ZNF514: variants seen among roughly 807,000 people sequenced by gnomAD.
ZNF514 encodes zinc finger protein 514.
In ZNF514, 12 loss-of-function variants were observed where a neutral mutation model predicts 9.7. The observed-to-expected ratio is 1.24, with a 90% confidence interval of 0.79 to 2.01. The LOEUF is 2.01. ZNF514 is among the 30% of genes most tolerant of loss of function. ZNF514 has a pLI of 0.00. For missense variants in ZNF514, 467 were observed against 465.5 expected (o/e 1.00, Z -0.03); for synonymous variants, 158 against 163.7 (o/e 0.97, Z 0.27).
At chr2:95,144,233 T>C (rs1673311223), downstream of ZNF514, among the ~76,000 whole-genome samples, 1 of 152,196 alleles carries the variant, frequency 6.6e-6, no homozygotes, top group Non-Finnish European at 1.5e-5. Context: ...CCGCATTTTC[T>C]GATAGTTTAT....
In ZNF514 at chr2:95,149,865, T is replaced by C. The variant is rs371148384; in HGVS notation, c.620A>G (p.Asn207Ser). ...GAAGTGAAAGGACTTCCCACACTCA[T>C]TACATTTACAAGATTTCTTTTCTGG... ...THPEKKSCKC[N>S]ECGKSFHFQS... The change falls in exon 5 of 5, where the codon AAT becomes AGT. Residue 207 changes from asparagine to serine, a missense_variant. Physicochemically the swap from Asn to Ser is conservative, Grantham distance 46. Transcript: ENST00000295208. 10 of 1,613,636 alleles carry C rather than the reference T, an allele frequency of 6.2e-6. No homozygotes were observed. Among genetic ancestry groups the C allele is most frequent in the African/African-American group, 4.0e-5 (3 of 74,942 alleles).
chr2:95,146,236 G>A lies in ZNF514; in HGVS notation c.*3046C>T, dbSNP rs2104459340. Among the ~76,000 whole-genome samples, 1 of 152,190 alleles carries A rather than the reference G, an allele frequency of 6.6e-6. No homozygotes were observed. The highest frequency in any genetic ancestry group is 6.5e-5 in the Admixed American group (1 of 15,284). On this transcript the variant is annotated 3_prime_UTR_variant, in exon 5 of 5. Coordinates refer to ENST00000295208, the MANE Select transcript of ZNF514 (RefSeq NM_032788.3). ...ATCTGGTTCAGGAAACAAGAAAGTG[G>A]TAAAGTGATAAAAAATTATTTAAAT... is the stretch of plus-strand genomic sequence containing the variant.
chr2:95,152,981 C>T (rs1397561572), intron 3 of ZNF514, 152 bp downstream of exon 3: 1 of 1,075,380 alleles, frequency 9.3e-7, no homozygotes, highest in Non-Finnish European at 1.3e-6. Flanking sequence ...TACTGTATCA[C>T]TGGGCCCCAA....
At chr2:95,153,012 T>TC in intron 3 of ZNF514, 121 bp downstream of exon 3, 1 of 1,332,542 alleles carries the variant, frequency 7.5e-7, no homozygotes, top group Middle Eastern at 2.5e-4. Context: ...AATGTCTGAT[T>TC]CCAGACTTCC....
Position 95,159,716 on chromosome 2 carries a change from G to A in ZNF514, c.-572C>T, listed in dbSNP as rs1217891593. ...CCGCCCCGCGCCAGCCCCCGCGTCC[G>A]CCCCGCGCCAGCCCCCGCGTCCGCC... On this transcript the variant is annotated 5_prime_UTR_variant, in exon 1 of 5. Transcript: ENST00000295208. 9 of 134,464 alleles carry A rather than the reference G, an allele frequency of 6.7e-5. No individual in the cohort carries two copies. Among genetic ancestry groups the A allele is most frequent in the African/African-American group, 2.2e-4 (8 of 36,782 alleles). The allele number at this position is 134,464 out of a possible 1,614,324, so 8.3% of individuals were successfully genotyped here. A position where few individuals can be genotyped will look rare whatever the true frequency, so the allele number is the denominator to read the frequency against.
chr2:95,131,029 A>G, the ZNF514 span, among the ~76,000 whole-genome samples: 5 of 152,336 alleles, frequency 3.3e-5, no homozygotes, highest in East Asian at 9.6e-4. Flanking sequence ...AATCTTCACA[A>G]TTCACGTTCT....
the ZNF514 span, among the ~76,000 whole-genome samples, chr2:95,134,790 G>A: frequency 6.6e-6 from 1 of 152,196 alleles, no homozygotes; most frequent in African/African-American, 2.4e-5. Context: ...GGTTAGGTAA[G>A]AGTCCAGTTT....
chr2:95,128,677 TAAG>T, the ZNF514 span, among the ~76,000 whole-genome samples: 1,060 of 117,246 alleles, frequency 9.0e-3, 15 homozygotes, highest in Middle Eastern at 0.033. Context: ...GAAGAAGAAG[TAAG>T]AAGGAGGAAG....
the ZNF514 span, among the ~76,000 whole-genome samples, chr2:95,125,432 G>T: frequency 1.3e-5 from 2 of 151,736 alleles, no homozygotes; most frequent in Non-Finnish European, 2.9e-5. Flanking sequence ...GTAGAGACAG[G>T]TTTCACCATG....
chr2:95,133,992 G>A, the ZNF514 span, among the ~76,000 whole-genome samples: 71 of 152,244 alleles, frequency 4.7e-4, no homozygotes, highest in African/African-American at 1.7e-3. Flanking sequence ...TCTCACAACT[G>A]CATGAGAATC....
the ZNF514 span, among the ~76,000 whole-genome samples, chr2:95,124,641 C>T: frequency 6.6e-6 from 1 of 151,864 alleles, no homozygotes; most frequent in Non-Finnish European, 1.5e-5. Context: ...GCTGGGATTA[C>T]AGGCGTGTCC....
At chr2:95,126,173 C>T in the ZNF514 span, among the ~76,000 whole-genome samples, 191 of 151,874 alleles carry the variant, frequency 1.3e-3, no homozygotes, top group Non-Finnish European at 2.1e-3. Context: ...GAGTTAGAAA[C>T]CAGCCTGGCT....
At chr2:95,125,385 C>T in the ZNF514 span, among the ~76,000 whole-genome samples, 3 of 152,000 alleles carry the variant, frequency 2.0e-5, no homozygotes, top group Non-Finnish European at 4.4e-5. Context: ...GGACTACAGG[C>T]GCCCACCACC....
At chr2:95,151,997 G>A (rs1329924100) in intron 4 of ZNF514, among the ~76,000 whole-genome samples, 1 of 152,164 alleles carries the variant, frequency 6.6e-6, no homozygotes, top group Non-Finnish European at 1.5e-5. Context: ...CTGGCCACAG[G>A]TAAGGTTCTG....
At chr2:95,130,705 C>G in the ZNF514 span, among the ~76,000 whole-genome samples, 3 of 152,226 alleles carry the variant, frequency 2.0e-5, no homozygotes, top group African/African-American at 7.2e-5. Context: ...GGTTATCTCT[C>G]TTATTCCCTG....
chr2:95,128,374 G>A, the ZNF514 span, among the ~76,000 whole-genome samples: 5 of 141,906 alleles, frequency 3.5e-5, no homozygotes, highest in African/African-American at 7.9e-5. Context: ...TGGGCGACAC[G>A]AGCAAGGCTT....
rs1273923692 is a variant in ZNF514, at chr2:95,159,654, C to A, written c.-510G>T. On this transcript the variant is annotated 5_prime_UTR_variant, in exon 1 of 5. Coordinates refer to ENST00000295208, the MANE Select transcript of ZNF514 (RefSeq NM_032788.3). ...GCCAGCCCCCGCCCGCCACCCCGCG[C>A]CAGCCCCCGCCCGCCACCCCGCGCC... 21 of 106,862 alleles carry A rather than the reference C, an allele frequency of 2.0e-4. No homozygotes were observed. The highest frequency in any genetic ancestry group is 3.6e-4 in the Non-Finnish European group (19 of 52,570). The allele number at this position is 106,862 out of a possible 1,614,324, so 6.6% of individuals were successfully genotyped here. A position where few individuals can be genotyped will look rare whatever the true frequency, so the allele number is the denominator to read the frequency against.
Position 95,157,412 on chromosome 2 carries a change from G to A in ZNF514, c.-68C>T, listed in dbSNP as rs541151797. The A allele has an allele frequency of 7.8e-7, 1 of 1,289,672 alleles. No individual in the cohort carries two copies. The highest frequency in any genetic ancestry group is 5.5e-5 in the East Asian group (1 of 18,032). The allele number at this position is 1,289,672 out of a possible 1,614,324, so 79.9% of individuals were successfully genotyped here. On this transcript the variant is annotated 5_prime_UTR_variant, in exon 2 of 5. Transcript: ENST00000295208. ...CTCTTCTCCTGGGAATCTCTCTGGAGGAAGAGCAGGATTCTGAGAAGGGGA... is the reference window on the plus strand; with the variant it reads ...CTCTTCTCCTGGGAATCTCTCTGGAAGAAGAGCAGGATTCTGAGAAGGGGA...
chr2:95,126,392 A>AAAAAAAAAAAAAAAAAAAAAAAAGAAAG, the ZNF514 span, among the ~76,000 whole-genome samples: 1 of 84,442 alleles, frequency 1.2e-5, no homozygotes, highest in African/African-American at 5.6e-5. Flanking sequence ...AAAAAAAAAA[A>AAAAAAAAAAAAAAAAAAAAAAAAGAAAG]AAAGAAAGAA....
Sources: allele counts gnomAD v4.1 joint callset (sites outside exome capture counted in the v4.1 genomes callset), GRCh38; gene constraint gnomAD v4.1.1; transcripts MANE v1.5; gene names NCBI Gene and HGNC (gene_info 2026-07-23, HGNC 2026-07-21).